The following CDKAL1 variants were observed in gnomAD, a reference collection of about 807,000 sequenced individuals.
CDKAL1 encodes the protein threonylcarbamoyladenosine tRNA methylthiotransferase.
A neutral mutation model predicts 68.2 loss-of-function variants in CDKAL1; 32 were observed. The ratio of observed to expected loss-of-function variants is 0.47; its 90% CI spans 0.35 to 0.63. The LOEUF (loss-of-function observed/expected upper bound fraction) is 0.63, where lower values mean the gene tolerates loss of function less well. CDKAL1 is among the 30% of genes least tolerant of loss of function. The pLI is 0.00. For missense variants in CDKAL1, 606 were observed against 696.7 expected, an observed-to-expected ratio of 0.87 and a Z score of 1.47; for synonymous variants, 234 against 244.3, an observed-to-expected ratio of 0.96 and a Z score of 0.39.
chr6:20,691,142 T>C (rs1279332794), intron 5 of CDKAL1, among the ~76,000 whole-genome samples: 2 of 152,188 alleles, frequency 1.3e-5, no homozygotes, highest in African/African-American at 2.4e-5. Context: ...CAGGAGATTA[T>C]GTGGCTGCCA....
intron 11 of CDKAL1, among the ~76,000 whole-genome samples, chr6:21,011,606 A>C (rs1469191825): frequency 2.0e-5 from 3 of 152,188 alleles, no homozygotes; most frequent in African/African-American, 7.2e-5. Flanking sequence ...AGTTGTGGTT[A>C]ATATTAGGTA....
chr6:20,952,048 T>A (rs1764557233), intron 9 of CDKAL1, among the ~76,000 whole-genome samples: 1 of 144,544 alleles, frequency 6.9e-6, no homozygotes, highest in Non-Finnish European at 1.5e-5. Context: ...AAGCTCCGCC[T>A]CCCAGGTTCA....
intron 9 of CDKAL1, among the ~76,000 whole-genome samples, chr6:20,898,261 A>G (rs1184163740): frequency 6.6e-6 from 1 of 150,874 alleles, no homozygotes; most frequent in African/African-American, 2.4e-5. Flanking sequence ...TTATCCCTCT[A>G]GATACTCTCC....
chr6:20,720,817 T>A (rs1382453525), intron 5 of CDKAL1, among the ~76,000 whole-genome samples: 1 of 152,200 alleles, frequency 6.6e-6, no homozygotes, highest in East Asian at 1.9e-4. Flanking sequence ...TACTTCTGTG[T>A]GATCACATTT....
At position 20,702,843 on chromosome 6, in the gene CDKAL1, G is replaced by A. The variant is rs542823877; in HGVS notation, c.372-36676G>A. Among the ~76,000 whole-genome samples the A allele has an allele frequency of 1.1e-4, 17 of 152,266 alleles. No individual in the cohort carries two copies. The South Asian group carries it at 2.7e-3, about 24-fold the overall frequency. The stretch of plus-strand genomic sequence containing the variant: ...CTAGGTCTGTGGGGGTGGAGCCCTA[G>A]CCAGGGGCCACGCCCTTCTCTACCC... On this transcript the variant is annotated intron_variant, in intron 5 of 15. Coordinates refer to ENST00000274695, the MANE Select transcript of CDKAL1 (RefSeq NM_017774.3).
rs573238740 is a variant in CDKAL1 at position 20,967,400 on chromosome 6, A to G, written c.909+11815A>G. Among the ~76,000 whole-genome samples, 10 of 152,250 alleles carry G rather than the reference A, an allele frequency of 6.6e-5. No homozygotes were observed. In the East Asian group the frequency reaches 1.2e-3, roughly 18 times the overall value. On this transcript the variant is annotated intron_variant, in intron 10 of 15. Coordinates refer to ENST00000274695, the MANE Select transcript of CDKAL1 (RefSeq NM_017774.3). ...ACTATATATATTTTAAGTCATTTTT[A>G]TAGTGGTTACCATAGGGATTACAAT...
chr6:20,717,362 A>G (rs1201027632), intron 5 of CDKAL1, among the ~76,000 whole-genome samples: 1 of 151,666 alleles, frequency 6.6e-6, no homozygotes, highest in Non-Finnish European at 1.5e-5. Flanking sequence ...TGTAGAAGGG[A>G]AAAGGATAAT....
rs7748932 is a variant in CDKAL1 at position 21,013,752 on chromosome 6, A to G, written c.1055+13380A>G. ...CTGCAGTATGAGTCCTTGCTGCCCA[A>G]AATGTGACAAACGAGTATCACACTT... On this transcript the variant is annotated intron_variant, in intron 11 of 15. Transcript: ENST00000274695. Among the ~76,000 whole-genome samples, 928 of 152,336 alleles carry G rather than the reference A, an allele frequency of 6.1e-3. 11 individuals are homozygous for G. The highest frequency in any genetic ancestry group is 0.021 in the African/African-American group (861 of 41,582).
intron 4 of CDKAL1, among the ~76,000 whole-genome samples, chr6:20,586,832 C>A (rs1765375086): frequency 6.6e-6 from 1 of 152,082 alleles, no homozygotes; most frequent in Non-Finnish European, 1.5e-5. Flanking sequence ...TTTACAAAGG[C>A]CAGATGAAGT....
At chr6:21,180,147 G>T (rs1052625718) in intron 13 of CDKAL1, among the ~76,000 whole-genome samples, 9 of 152,216 alleles carry the variant, frequency 5.9e-5, no homozygotes, top group Non-Finnish European at 1.2e-4. Flanking sequence ...ACCCTGTAGG[G>T]TGTTTGGTGA....
At chr6:20,714,464 C>T (rs1449967480) in intron 5 of CDKAL1, among the ~76,000 whole-genome samples, 3 of 137,398 alleles carry the variant, frequency 2.2e-5, no homozygotes, top group Non-Finnish European at 1.5e-5. Flanking sequence ...TCATAGTTCA[C>T]TGCAGCCTTG....
intron 5 of CDKAL1, among the ~76,000 whole-genome samples, chr6:20,663,899 A>G (rs192249990): frequency 2.0e-4 from 30 of 152,238 alleles, no homozygotes; most frequent in Admixed American, 1.8e-3. Flanking sequence ...GTTTAATTCT[A>G]AAAAAATTTA....
intron 4 of CDKAL1, 44 bp downstream of exon 4, chr6:20,548,749 A>T: frequency 1.1e-6 from 1 of 923,162 alleles, no homozygotes; most frequent in Non-Finnish European, 1.7e-6. Flanking sequence ...ATTTTTCAGA[A>T]TTAAGCTTTT....
chr6:21,201,077 A>T (rs756355384), intron 14 of CDKAL1, 33 bp from the exon 15 acceptor site: 9 of 1,566,558 alleles, frequency 5.7e-6, no homozygotes, highest in South Asian at 1.2e-5. Context: ...GTTTATTTTT[A>T]AAAATTAAGC....
intron 8 of CDKAL1, among the ~76,000 whole-genome samples, chr6:20,816,082 G>A (rs957606092): frequency 1.3e-5 from 2 of 151,164 alleles, no homozygotes; most frequent in African/African-American, 4.9e-5. Flanking sequence ...TCCATTCTCT[G>A]TGTCCATACT....
In CDKAL1 at chr6:20,861,726, G is replaced by A. The variant is rs138495016; in HGVS notation, c.742+15548G>A. ...TGTGATGCAGGCAGAGGTTTGATAA[G>A]CACTTGTGTGCTGGGGCTTGTTCTT... On this transcript the variant is annotated intron_variant, in intron 9 of 15. Transcript: ENST00000274695. Among the ~76,000 whole-genome samples, 173 of 152,322 alleles carry A rather than the reference G, an allele frequency of 1.1e-3. 1 individual carries two copies. Among genetic ancestry groups the A allele is most frequent in the African/African-American group, 4.0e-3 (165 of 41,576 alleles).
chr6:20,932,447 C>G (rs1333440772), intron 9 of CDKAL1, among the ~76,000 whole-genome samples: 1 of 152,054 alleles, frequency 6.6e-6, no homozygotes, highest in Non-Finnish European at 1.5e-5. Context: ...GCACTTCAGA[C>G]CCATTTTTCC....
At chr6:20,681,640 G>C (rs879631817) in intron 5 of CDKAL1, among the ~76,000 whole-genome samples, 1 of 152,134 alleles carries the variant, frequency 6.6e-6, no homozygotes, top group Non-Finnish European at 1.5e-5. Context: ...TATAATGTTA[G>C]TAGATGGTCT....
intron 6 of CDKAL1, among the ~76,000 whole-genome samples, chr6:20,754,923 T>C (rs569947716): frequency 9.6e-4 from 147 of 152,362 alleles, no homozygotes; most frequent in African/African-American, 3.5e-3. Flanking sequence ...CTAAGACTTT[T>C]ATAGTTTTAG....
Sources: gnomAD v4.1 joint callset for allele counts (sites outside exome capture counted in the v4.1 genomes callset) on GRCh38, gnomAD v4.1.1 for gene constraint, MANE v1.5 for transcripts, NCBI Gene and HGNC (gene_info 2026-07-23, HGNC 2026-07-21) for gene names.